QSOX2: variants seen among roughly 807,000 people sequenced by gnomAD.
QSOX2 encodes the protein quiescin sulfhydryl oxidase 2.
A neutral mutation model predicts 61.7 loss-of-function variants in QSOX2; 46 were observed. The ratio of observed to expected loss-of-function variants is 0.75; its 90% CI spans 0.59 to 0.95. The LOEUF is 0.95. Ranked by LOEUF, QSOX2 falls within the 40% of genes least tolerant of loss-of-function variation. The probability of loss-of-function intolerance (pLI) is 0.00; values close to 1 mark genes in which losing one functional copy is unlikely to be tolerated. For synonymous variants in QSOX2, 383 were observed against 388.4 expected, an observed-to-expected ratio of 0.99 and a Z score of 0.16; for missense variants, 879 against 918.9, an observed-to-expected ratio of 0.96 and a Z score of 0.56.
At chr9:136,219,742 G>A (rs995716476) in intron 6 of QSOX2, among the ~76,000 whole-genome samples, 2 of 152,232 alleles carry the variant, frequency 1.3e-5, no homozygotes, top group Non-Finnish European at 2.9e-5. Flanking sequence ...GTGTGACGTG[G>A]AGCTTGTTTC....
chr9:136,210,836 T>A, intron 11 of QSOX2: 1 of 984,956 alleles, frequency 1.0e-6, no homozygotes, highest in Non-Finnish European at 1.2e-6. Context: ...TTTAATTATT[T>A]TTTTTTAACA....
Position 136,228,527 on chromosome 9 carries a change from T to C in QSOX2, c.329-1653A>G, listed in dbSNP as rs1292852953. 2.6e-5 allele frequency among the ~76,000 whole-genome samples: 4 copies of C among 152,250 alleles called. No individual in the cohort carries two copies. The South Asian group carries it at 6.2e-4, about 24-fold the overall frequency. On this transcript the variant is annotated intron_variant, in intron 1 of 11. Coordinates refer to ENST00000358701, the MANE Select transcript of QSOX2 (RefSeq NM_181701.4). ...ACTCTGTAGGGGTCCTTCCAGGCCC[T>C]GAGACTTTGAGGGGACAGCCTAAAG... is the stretch of plus-strand genomic sequence containing the variant.
Position 136,245,519 on chromosome 9 carries a change from G to A in QSOX2, c.285C>T (p.Ile95=). ...QFYSSWCGHC[I]GYAPTWRALA... is the part of the protein sequence containing the mutation. ...GGGCCCGCCAAGTGGGCGCGTAGCCGATGCAGTGGCCACACCACGACGAGT... is the reference window on the plus strand; with the variant it reads ...GGGCCCGCCAAGTGGGCGCGTAGCCAATGCAGTGGCCACACCACGACGAGT... Residue 95 remains isoleucine, a synonymous_variant, in exon 1 of 12, where the codon ATC becomes ATT. Coordinates refer to ENST00000358701, the MANE Select transcript of QSOX2 (RefSeq NM_181701.4). 1 of 1,594,412 alleles carries A rather than the reference G, an allele frequency of 6.3e-7. No individual in the cohort carries two copies. The highest frequency in any genetic ancestry group is 8.5e-7 in the Non-Finnish European group (1 of 1,177,576).
Position 136,222,222 on chromosome 9 carries a change from G to A in QSOX2, c.676-281C>T, listed in dbSNP as rs138014238. ...TTGCACTTGACTTTCTAAAACCAGC[G>A]CGCCCCCCACAACACTGATACTGGT... On this transcript the variant is annotated intron_variant, in intron 5 of 11. Transcript: ENST00000358701. The surrounding 1 kb of genome is among the most constrained non-coding windows in gnomAD (Gnocchi z 6.9). 6.6e-5 allele frequency among the ~76,000 whole-genome samples: 10 copies of A among 152,222 alleles called. No individual in the cohort carries two copies. The highest frequency in any genetic ancestry group is 4.1e-4 in the South Asian group (2 of 4,820).
intron 8 of QSOX2, among the ~76,000 whole-genome samples, chr9:136,217,742 C>T (rs951369342): frequency 2.0e-5 from 3 of 152,092 alleles, no homozygotes; most frequent in Non-Finnish European, 4.4e-5. Context: ...AGCTGGCCGG[C>T]GGCCACCACC....
Position 136,226,815 on chromosome 9 carries a change from C to T in QSOX2, c.388G>A (p.Val130Met), listed in dbSNP as rs1474987923. Residue 130 changes from valine to methionine, a missense_variant, in exon 2 of 12, where the codon GTG becomes ATG. Val to Met is a conservative substitution (Grantham distance 21). Transcript: ENST00000358701. ...LDCMEEKNQA[V>M]CHDYDIHFYP... ...AAGTGGATGTCGTAGTCATGGCACA[C>T]GGCCTGGTTCTTCTCTTCCATGCAG... 8.7e-6 allele frequency: 14 copies of T among 1,614,078 alleles called. No homozygotes were observed. Among genetic ancestry groups the T allele is most frequent in the African/African-American group, 2.7e-5 (2 of 74,946 alleles).
At chr9:136,216,337 T>C (rs1478566935) in intron 9 of QSOX2, among the ~76,000 whole-genome samples, 1 of 152,264 alleles carries the variant, frequency 6.6e-6, no homozygotes, top group African/African-American at 2.4e-5. Context: ...ACTACGTTGC[T>C]TGAGAAAACC....
chr9:136,241,128 G>A (rs561436801), intron 1 of QSOX2, among the ~76,000 whole-genome samples: 4 of 152,316 alleles, frequency 2.6e-5, no homozygotes, highest in East Asian at 1.9e-4. Flanking sequence ...CGGGGAGCCC[G>A]GCTGCTCCGA....
At chr9:136,236,752 G>A (rs140745766) in intron 1 of QSOX2, among the ~76,000 whole-genome samples, 18 of 151,636 alleles carry the variant, frequency 1.2e-4, no homozygotes, top group East Asian at 2.0e-4. Flanking sequence ...CCTGGAGCCC[G>A]TCCTGGGCCA....
chr9:136,232,952 A>G (rs1037711703), intron 1 of QSOX2, among the ~76,000 whole-genome samples: 3 of 151,966 alleles, frequency 2.0e-5, no homozygotes, highest in African/African-American at 7.2e-5. Context: ...AAAAGAAAAA[A>G]AAAGAAAATC....
chr9:136,240,010 C>G (rs1830421974), intron 1 of QSOX2, among the ~76,000 whole-genome samples: 1 of 152,262 alleles, frequency 6.6e-6, no homozygotes, highest in African/African-American at 2.4e-5. Flanking sequence ...GCTCTGCCCA[C>G]CTGTCTAGCT....
Position 136,209,096 on chromosome 9 carries a change from C to T in QSOX2, c.1729G>A (p.Asp577Asn), listed in dbSNP as rs959194446. 77 of 1,614,166 alleles carry T rather than the reference C, an allele frequency of 4.8e-5. No homozygotes were observed. The highest frequency in any genetic ancestry group is 6.4e-5 in the Non-Finnish European group (75 of 1,180,036). The change falls in exon 12 of 12, where the codon GAT becomes AAT. Residue 577 changes from aspartate to asparagine, a missense_variant. Coordinates refer to ENST00000358701, the MANE Select transcript of QSOX2 (RefSeq NM_181701.4). The surrounding 1 kb of genome is among the most constrained non-coding windows in gnomAD (Gnocchi z 5.6). ...GCCAGGGTTCCTCCTTCACTGGAATCCCCCTGGTCTGCGGAATACGTGTCT... is the reference window on the plus strand; with the variant it reads ...GCCAGGGTTCCTCCTTCACTGGAATTCCCCTGGTCTGCGGAATACGTGTCT... ...LLDTYSADQG[D>N]SSEGGTLARG...
chr9:136,213,568 CCCAA>C (rs1007195086), intron 10 of QSOX2, among the ~76,000 whole-genome samples: 1 of 151,452 alleles, frequency 6.6e-6, no homozygotes, highest in Non-Finnish European at 1.5e-5. Flanking sequence ...CACCCTCTCC[CCCAA>C]CCAGACCCCC....
rs898317698 is a variant in QSOX2, at chr9:136,222,622, G to T, written c.676-681C>A. ...TGGGTGTGTCTGCGAAGAGCTGATC[G>T]CTACTCTGGGGCCACACTGGTCTCT... On this transcript the variant is annotated intron_variant, in intron 5 of 11. Coordinates refer to ENST00000358701, the MANE Select transcript of QSOX2 (RefSeq NM_181701.4). This position sits in a 1 kb window ranked among gnomAD's most constrained non-coding sequence, Gnocchi z 6.9. 2.0e-5 allele frequency among the ~76,000 whole-genome samples: 3 copies of T among 152,168 alleles called. No individual in the cohort carries two copies. The highest frequency in any genetic ancestry group is 4.4e-5 in the Non-Finnish European group (3 of 68,022).
Position 136,209,233 on chromosome 9 carries a change from G to A in QSOX2, c.1592C>T (p.Pro531Leu), listed in dbSNP as rs1407918805. Reference sequence around the variant, plus strand: ...GCAGGCTGGGCAGAGGTCCGGAGTGGGCCACTGAAGCTTTGGAAACCGGGG... The same window carrying A: ...GCAGGCTGGGCAGAGGTCCGGAGTGAGCCACTGAAGCTTTGGAAACCGGGG... ...EDPRFPKLQW[P>L]TPDLCPACHE... Residue 531 changes from proline to leucine, a missense_variant, in exon 12 of 12, where the codon CCC (proline) becomes CTC (leucine). Coordinates refer to ENST00000358701, the MANE Select transcript of QSOX2 (RefSeq NM_181701.4). This position sits in a 1 kb window ranked among gnomAD's most constrained non-coding sequence, Gnocchi z 5.6. 3 of 1,613,602 alleles carry A rather than the reference G, an allele frequency of 1.9e-6. No homozygotes were observed. Among genetic ancestry groups the A allele is most frequent in the Admixed American group, 1.7e-5 (1 of 59,996 alleles).
At position 136,223,021 on chromosome 9, in the gene QSOX2, G is replaced by A. The variant is rs537099931; in HGVS notation, c.675+742C>T. On this transcript the variant is annotated intron_variant, in intron 5 of 11. Transcript: ENST00000358701. The surrounding 1 kb of genome is among the most constrained non-coding windows in gnomAD (Gnocchi z 4.4). The stretch of plus-strand genomic sequence containing the variant: ...GGGCAGCCAGGGCACAAAGCGAGAC[G>A]GTCACAGTGCAGGTGTCTGCAGCTG... Among the ~76,000 whole-genome samples, 7 of 152,364 alleles carry A rather than the reference G, an allele frequency of 4.6e-5. No individual in the cohort carries two copies. Among genetic ancestry groups the A allele is most frequent in the African/African-American group, 9.6e-5 (4 of 41,588 alleles).
At position 136,222,135 on chromosome 9, in the gene QSOX2, A is replaced by G. The variant is rs527552235; in HGVS notation, c.676-194T>C. On this transcript the variant is annotated intron_variant, in intron 5 of 11. Coordinates refer to ENST00000358701, the MANE Select transcript of QSOX2 (RefSeq NM_181701.4). The surrounding 1 kb of genome is among the most constrained non-coding windows in gnomAD (Gnocchi z 6.9). The stretch of plus-strand genomic sequence containing the variant: ...AACTGACGGCACACACGCCATGAGC[A>G]GAAACCACGGTCTTATTCGGCAATT... 2.2e-4 allele frequency among the ~76,000 whole-genome samples: 33 copies of G among 152,348 alleles called. No individual in the cohort carries two copies. In the South Asian group the frequency reaches 2.5e-3, roughly 11 times the overall value.
chr9:136,219,252 C>T, intron 6 of QSOX2, 88 bp from the exon 7 acceptor site: 3 of 1,463,558 alleles, frequency 2.0e-6, no homozygotes, highest in Non-Finnish European at 2.7e-6. Context: ...AGCTCTGGGC[C>T]ACCCCTTTCA....
chr9:136,210,230 C>G (rs1458497649), intron 11 of QSOX2: 2 of 985,370 alleles, frequency 2.0e-6, no homozygotes, highest in East Asian at 2.3e-4. Context: ...GCAGAAGACC[C>G]CAGGCACATC....
Sources: gnomAD v4.1 joint callset for allele counts (sites outside exome capture counted in the v4.1 genomes callset) on GRCh38, gnomAD v4.1.1 for gene constraint, Gnocchi (gnomAD v3.1) non-coding constraint, MANE v1.5 for transcripts, NCBI Gene and HGNC (gene_info 2026-07-23, HGNC 2026-07-21) for gene names.